Variants in GALNT13 observed in about 807,000 individuals in gnomAD.
GALNT13 encodes UDP-GalNAc:polypeptide N-acetylgalactosaminyltransferase 13.
Under a neutral mutation model 64.2 loss-of-function variants are expected in GALNT13, and 28 were observed. The observed-to-expected ratio is 0.44, with a 90% confidence interval of 0.32 to 0.60. The LOEUF (loss-of-function observed/expected upper bound fraction) is 0.60, where lower values mean the gene tolerates loss of function less well. Ranked by LOEUF, GALNT13 falls within the 20% of genes least tolerant of loss-of-function variation. The pLI is 0.05. For synonymous variants in GALNT13, 214 were observed against 224.6 expected (o/e 0.95, Z 0.42); for missense variants, 577 against 669.8 (o/e 0.86, Z 1.53).
chr2:153,478,183 G>A, the GALNT13 span: 2 of 1,452,498 alleles, frequency 1.4e-6, no homozygotes, highest in South Asian at 1.3e-5. Context: ...GGCACAGCCG[G>A]GCTAGCAAAG....
upstream of GALNT13, among the ~76,000 whole-genome samples, chr2:153,867,477 T>A (rs1685787277): frequency 6.6e-6 from 1 of 152,124 alleles, no homozygotes; most frequent in Non-Finnish European, 1.5e-5. Flanking sequence ...CCTACTTATT[T>A]ATTTGGTTAG....
the GALNT13 span, among the ~76,000 whole-genome samples, chr2:153,646,963 C>G: frequency 2.2e-4 from 33 of 152,124 alleles, no homozygotes; most frequent in Non-Finnish European, 4.4e-4. Flanking sequence ...ATTTATATTC[C>G]TTTGGGTATA....
chr2:153,790,275 A>C, the GALNT13 span, among the ~76,000 whole-genome samples: 1,777 of 152,314 alleles, frequency 0.012, 44 homozygotes, highest in African/African-American at 0.04. Context: ...AGGTTGGTTC[A>C]ACATACACAA....
At chr2:154,013,444 G>T (rs985516025) in intron 3 of GALNT13, among the ~76,000 whole-genome samples, 2 of 152,148 alleles carry the variant, frequency 1.3e-5, no homozygotes, top group African/African-American at 4.8e-5. Flanking sequence ...TCGTAGGGTT[G>T]TTGGCAGTGG....
At chr2:153,631,683 G>A in the GALNT13 span, among the ~76,000 whole-genome samples, 1 of 152,080 alleles carries the variant, frequency 6.6e-6, no homozygotes, top group Non-Finnish European at 1.5e-5. Flanking sequence ...ATTTGTTTGA[G>A]TTCTTTGTAG....
At chr2:153,625,873 C>G in the GALNT13 span, among the ~76,000 whole-genome samples, 40 of 152,138 alleles carry the variant, frequency 2.6e-4, no homozygotes, top group African/African-American at 9.1e-4. Flanking sequence ...CTACAGCTTG[C>G]ATGTAATACA....
chr2:154,410,550 C>A (rs1053360989), intron 11 of GALNT13, among the ~76,000 whole-genome samples: 6 of 151,674 alleles, frequency 4.0e-5, no homozygotes, highest in African/African-American at 1.5e-4. Context: ...AAAGCAAAAG[C>A]CTTCCTAGAG....
chr2:154,013,653 C>T (rs917260087), intron 3 of GALNT13, among the ~76,000 whole-genome samples: 2 of 151,950 alleles, frequency 1.3e-5, no homozygotes, highest in Non-Finnish European at 2.9e-5. Flanking sequence ...AATCTGTGCA[C>T]GCAGTTGCAC....
At chr2:154,227,550 A>C (rs1422611781) in intron 4 of GALNT13, among the ~76,000 whole-genome samples, 2 of 131,110 alleles carry the variant, frequency 1.5e-5, no homozygotes, top group Admixed American at 1.9e-4. Context: ...CTCATTGTTT[A>C]ATTCCCACCT....
chr2:153,447,728 A>G, the GALNT13 span, among the ~76,000 whole-genome samples: 3 of 152,330 alleles, frequency 2.0e-5, no homozygotes, highest in African/African-American at 7.2e-5. Context: ...AATTTGTAAT[A>G]TAAATTATGA....
At chr2:154,147,208 T>A (rs1683657951) in intron 4 of GALNT13, among the ~76,000 whole-genome samples, 1 of 151,922 alleles carries the variant, frequency 6.6e-6, no homozygotes, top group Non-Finnish European at 1.5e-5. Context: ...CCATTCTATG[T>A]TCTGACTTTC....
intron 9 of GALNT13, among the ~76,000 whole-genome samples, chr2:154,370,381 A>G (rs1344098920): frequency 1.3e-5 from 2 of 152,192 alleles, no homozygotes; most frequent in African/African-American, 4.8e-5. Flanking sequence ...TGTAAAGAGG[A>G]AAAAGCATAA....
chr2:153,710,355 G>A, the GALNT13 span, among the ~76,000 whole-genome samples: 1 of 152,084 alleles, frequency 6.6e-6, no homozygotes, highest in Non-Finnish European at 1.5e-5. Flanking sequence ...GTCATCACAC[G>A]TAACTTCTGA....
chr2:153,709,251 G>T, the GALNT13 span, among the ~76,000 whole-genome samples: 3 of 151,294 alleles, frequency 2.0e-5, no homozygotes, highest in Admixed American at 2.0e-4. Context: ...AATATCTAAG[G>T]GACTCAAACA....
intron 3 of GALNT13, among the ~76,000 whole-genome samples, chr2:153,990,222 GT>G (rs1288907129): frequency 1.3e-5 from 2 of 152,050 alleles, no homozygotes; most frequent in African/African-American, 4.8e-5. Context: ...GTAGATGGTA[GT>G]GTTGGCATTC....
intron 3 of GALNT13, among the ~76,000 whole-genome samples, chr2:154,028,118 G>C (rs1438725682): frequency 6.6e-6 from 1 of 152,036 alleles, no homozygotes; most frequent in Admixed American, 6.6e-5. Context: ...TAGCGTGTGA[G>C]GGCATTTAGC....
chr2:154,299,145 A>G (rs544313917), intron 8 of GALNT13, among the ~76,000 whole-genome samples: 1 of 150,218 alleles, frequency 6.7e-6, no homozygotes, highest in South Asian at 2.1e-4. Context: ...TGTGTGTTTT[A>G]TAAATTTTTG....
At chr2:154,254,908 G>A (rs968835553) in intron 7 of GALNT13, among the ~76,000 whole-genome samples, 2 of 152,128 alleles carry the variant, frequency 1.3e-5, no homozygotes, top group African/African-American at 4.8e-5. Context: ...AGAGAAAAGT[G>A]CCCCTGAGAG....
chr2:153,445,544 T>C, the GALNT13 span, among the ~76,000 whole-genome samples: 1 of 152,026 alleles, frequency 6.6e-6, no homozygotes, highest in Non-Finnish European at 1.5e-5. Flanking sequence ...GCCTGGGTAA[T>C]TTTTTGTGTT....
Sources: gnomAD v4.1 joint callset for allele counts (sites outside exome capture counted in the v4.1 genomes callset) on GRCh38, gnomAD v4.1.1 for gene constraint, MANE v1.5 for transcripts, NCBI Gene and HGNC (gene_info 2026-07-23, HGNC 2026-07-21) for gene names.